Variants in SGCZ observed in about 807,000 individuals in gnomAD.
The protein encoded by SGCZ is sarcoglycan zeta, also known as zeta-sarcoglycan.
Under a neutral mutation model 41.3 loss-of-function variants are expected in SGCZ, and 40 were observed. The observed-to-expected ratio is 0.97, with a 90% CI of 0.75 to 1.26. SGCZ has a LOEUF of 1.26. SGCZ is among the 50% of genes most tolerant of loss of function. The pLI, the probability that SGCZ is intolerant of heterozygous loss-of-function variation, is 0.00. For synonymous variants in SGCZ, 206 were observed against 137.5 expected (o/e 1.50, Z -3.49); for missense variants, 552 against 369.8 (o/e 1.49, Z -4.04).
At chr8:14,459,185 C>T (rs1188601295) in intron 2 of SGCZ, among the ~76,000 whole-genome samples, 2 of 151,910 alleles carry the variant, frequency 1.3e-5, no homozygotes, top group African/African-American at 2.4e-5. Flanking sequence ...CCAAACACCG[C>T]ATGTTTTCAC....
At chr8:15,162,734 A>G (rs1042354526) in intron 1 of SGCZ, among the ~76,000 whole-genome samples, 4 of 152,314 alleles carry the variant, frequency 2.6e-5, no homozygotes, top group Non-Finnish European at 5.9e-5. Context: ...TTTTTCTCTC[A>G]TGATCTGTGT....
chr8:15,057,145 C>A (rs1160302003), intron 1 of SGCZ, among the ~76,000 whole-genome samples: 1 of 152,182 alleles, frequency 6.6e-6, no homozygotes, highest in Non-Finnish European at 1.5e-5. Flanking sequence ...GAGCACAGCA[C>A]TTTCAGGGGA....
intron 1 of SGCZ, among the ~76,000 whole-genome samples, chr8:14,693,521 T>G (rs1021523621): frequency 3.8e-4 from 57 of 149,020 alleles, no homozygotes; most frequent in African/African-American, 1.4e-3. Flanking sequence ...CAAACTCAGG[T>G]GATCCACTCC....
At chr8:14,469,786 A>C (rs1016031899) in intron 2 of SGCZ, among the ~76,000 whole-genome samples, 13 of 152,154 alleles carry the variant, frequency 8.5e-5, no homozygotes, top group African/African-American at 3.1e-4. Flanking sequence ...GCCCTTATAA[A>C]AACCCAGAAA....
At chr8:14,686,617 A>G (rs1808619894) in intron 1 of SGCZ, among the ~76,000 whole-genome samples, 1 of 152,048 alleles carries the variant, frequency 6.6e-6, no homozygotes, top group Non-Finnish European at 1.5e-5. Flanking sequence ...GGCTATTATT[A>G]AGTAGAAGCA....
At chr8:14,911,909 A>G (rs187904501) in intron 1 of SGCZ, among the ~76,000 whole-genome samples, 8 of 152,104 alleles carry the variant, frequency 5.3e-5, no homozygotes, top group African/African-American at 1.9e-4. Flanking sequence ...TTATCTCTAT[A>G]CTGCAATGAT....
intron 2 of SGCZ, among the ~76,000 whole-genome samples, chr8:14,325,942 C>T (rs1802090832): frequency 6.8e-6 from 1 of 147,944 alleles, no homozygotes; most frequent in South Asian, 2.1e-4. Flanking sequence ...GAAACCCTGT[C>T]TCTACTAAAA....
intron 2 of SGCZ, among the ~76,000 whole-genome samples, chr8:14,398,109 G>C (rs191005097): frequency 3.9e-5 from 6 of 152,076 alleles, no homozygotes; most frequent in African/African-American, 9.7e-5. Flanking sequence ...ACATCAAGTA[G>C]TCTAGATTTT....
At chr8:15,118,198 T>C (rs1025303732) in intron 1 of SGCZ, among the ~76,000 whole-genome samples, 2 of 152,214 alleles carry the variant, frequency 1.3e-5, no homozygotes, top group African/African-American at 4.8e-5. Context: ...AGAAAAGCAT[T>C]TTAAGATTTA....
chr8:15,215,635 A>T (rs1801375296), intron 1 of SGCZ, among the ~76,000 whole-genome samples: 2 of 152,164 alleles, frequency 1.3e-5, no homozygotes, highest in African/African-American at 4.8e-5. Context: ...AAGTAAATAC[A>T]ATCTTTCCTA....
chr8:14,146,715 A>G (rs1484345162), intron 5 of SGCZ, among the ~76,000 whole-genome samples: 14 of 151,014 alleles, frequency 9.3e-5, no homozygotes, highest in Non-Finnish European at 1.9e-4. Flanking sequence ...TACTAAAAAT[A>G]CAAAAAATTA....
intron 1 of SGCZ, among the ~76,000 whole-genome samples, chr8:14,951,343 A>C (rs1196154710): frequency 6.6e-6 from 1 of 152,002 alleles, no homozygotes; most frequent in African/African-American, 2.4e-5. Context: ...TTGTATGTGA[A>C]CTCAAGATTT....
At chr8:14,926,439 G>T (rs532889503) in intron 1 of SGCZ, among the ~76,000 whole-genome samples, 21 of 152,066 alleles carry the variant, frequency 1.4e-4, no homozygotes, top group Non-Finnish European at 2.9e-4. Flanking sequence ...ATCTAGATAA[G>T]TATCATCCCT....
intron 1 of SGCZ, among the ~76,000 whole-genome samples, chr8:15,016,598 AC>A (rs1184246116): frequency 6.6e-6 from 1 of 152,162 alleles, no homozygotes; most frequent in African/African-American, 2.4e-5. Flanking sequence ...TGGGCTCTAT[AC>A]TAGGTTAAGA....
intron 2 of SGCZ, among the ~76,000 whole-genome samples, chr8:14,553,130 A>G (rs543821025): frequency 6.6e-6 from 1 of 152,196 alleles, no homozygotes; most frequent in East Asian, 1.9e-4. Context: ...ACCATACGAT[A>G]AATGACTCCT....
At chr8:14,215,492 G>T (rs1187611975) in intron 4 of SGCZ, among the ~76,000 whole-genome samples, 7 of 138,986 alleles carry the variant, frequency 5.0e-5, no homozygotes, top group Non-Finnish European at 8.3e-5. Context: ...CCCCCAAAAG[G>T]CAGAAAGAAA....
chr8:14,551,531 ATAATATATATAATATATATAATATATATT>A, intron 2 of SGCZ, among the ~76,000 whole-genome samples: 5 of 4,096 alleles, frequency 1.2e-3, no homozygotes, highest in South Asian at 7.0e-3. Context: ...TATAATATAT[ATAATATATATAATATATATAATATATATT>A]ATATATATAA....
At chr8:14,510,177 A>T (rs763199603) in intron 2 of SGCZ, among the ~76,000 whole-genome samples, 1 of 152,140 alleles carries the variant, frequency 6.6e-6, no homozygotes, top group South Asian at 2.1e-4. Flanking sequence ...CAAATACCTA[A>T]TAAGTTTTGA....
intron 1 of SGCZ, among the ~76,000 whole-genome samples, chr8:14,660,549 C>T (rs1439945394): frequency 1.0e-5 from 1 of 99,572 alleles, no homozygotes; most frequent in African/African-American, 4.4e-5. Flanking sequence ...CCAGCCTGGG[C>T]AACAGAGCAA....
Sources: gnomAD v4.1 joint callset for allele counts (sites outside exome capture counted in the v4.1 genomes callset) on GRCh38, gnomAD v4.1.1 for gene constraint, MANE v1.5 for transcripts, NCBI Gene and HGNC (gene_info 2026-07-23, HGNC 2026-07-21) for gene names.